Variants in BCAS3 observed in about 807,000 individuals in gnomAD.
The protein encoded by BCAS3 is BCAS3 microtubule associated cell migration factor.
In BCAS3, 53 loss-of-function variants were observed where a neutral mutation model predicts 116.1. The observed-to-expected ratio is 0.46, with a 90% CI of 0.37 to 0.57. The LOEUF is 0.57. Ranked by LOEUF, BCAS3 falls within the 20% of genes least tolerant of loss-of-function variation. BCAS3 has a pLI of 0.00. For missense variants in BCAS3, 917 were observed against 1,165.4 expected (o/e 0.79, Z 3.10); for synonymous variants, 391 against 408.2 (o/e 0.96, Z 0.51).
chr17:60,912,810 T>A (rs1348756326), intron 12 of BCAS3, among the ~76,000 whole-genome samples: 1 of 152,100 alleles, frequency 6.6e-6, no homozygotes, highest in African/African-American at 2.4e-5. Context: ...CCACCCACAT[T>A]TATTGGGTAG....
rs1266151389 is a variant in BCAS3, at chr17:61,095,189, C to A, written c.2425+10625C>A. 6.6e-6 allele frequency among the ~76,000 whole-genome samples: 1 copy of A among 152,156 alleles called. No homozygotes were observed. Among genetic ancestry groups the A allele is most frequent in the Admixed American group, 6.5e-5 (1 of 15,272 alleles). On this transcript the variant is annotated intron_variant, in intron 22 of 23. Transcript: ENST00000407086. This position sits in a 1 kb window ranked among gnomAD's most constrained non-coding sequence, Gnocchi z 4.7. ...ACGTATTTGAGTTAGACCAACTTTT[C>A]TTCGTGTACGTCAACCAAAACAGCA...
chr17:61,076,267 G>T (rs111860548), intron 20 of BCAS3, among the ~76,000 whole-genome samples: 2 of 152,140 alleles, frequency 1.3e-5, no homozygotes, highest in South Asian at 2.1e-4. Context: ...GCTTTTCATC[G>T]GACAGGTGCC....
intron 19 of BCAS3, among the ~76,000 whole-genome samples, chr17:61,070,892 A>AC (rs1203173894): frequency 4.6e-5 from 7 of 152,246 alleles, no homozygotes; most frequent in Non-Finnish European, 7.3e-5. Flanking sequence ...TCTGTAAAAC[A>AC]GAAGCCACCT....
intron 13 of BCAS3, among the ~76,000 whole-genome samples, chr17:60,945,917 G>A (rs970338793): frequency 5.3e-5 from 8 of 151,692 alleles, no homozygotes; most frequent in Non-Finnish European, 8.8e-5. Context: ...TCAGGAGATC[G>A]AGACCATCCT....
At chr17:60,873,214 C>T (rs1012696445) in intron 8 of BCAS3, among the ~76,000 whole-genome samples, 3 of 151,854 alleles carry the variant, frequency 2.0e-5, no homozygotes, top group Admixed American at 2.0e-4. Flanking sequence ...TAGTAAGAAG[C>T]AACCCAGTAA....
At chr17:60,726,923 A>G (rs1326763727) in intron 5 of BCAS3, among the ~76,000 whole-genome samples, 1 of 152,136 alleles carries the variant, frequency 6.6e-6, no homozygotes, top group Non-Finnish European at 1.5e-5. Flanking sequence ...GGCATATTGC[A>G]TATATTATTT....
rs575974657 is a variant in BCAS3 at position 61,167,046 on chromosome 17, C to T, written c.2425+82482C>T. On this transcript the variant is annotated intron_variant, in intron 22 of 23. Coordinates refer to ENST00000407086, the MANE Select transcript of BCAS3 (RefSeq NM_017679.5). The stretch of plus-strand genomic sequence containing the variant: ...ACAGGCAGGAGCTACCACGCCCAGC[C>T]GAGCACTTCCTTAAAGAATCTATTT... 7.9e-4 allele frequency among the ~76,000 whole-genome samples: 120 copies of T among 152,248 alleles called. 1 individual carries two copies. The South Asian group carries it at 0.022, about 28-fold the overall frequency.
chr17:61,305,055 C>T (rs1211295643), intron 22 of BCAS3, among the ~76,000 whole-genome samples: 1 of 152,188 alleles, frequency 6.6e-6, no homozygotes, highest in African/African-American at 2.4e-5. Flanking sequence ...CCATGCCTGG[C>T]CCCCAGTCCT....
intron 14 of BCAS3, among the ~76,000 whole-genome samples, chr17:60,979,955 C>A (rs909000695): frequency 2.0e-5 from 3 of 151,846 alleles, no homozygotes; most frequent in Non-Finnish European, 4.4e-5. Flanking sequence ...GTCTAAAATT[C>A]TCTTTTTTGG....
At chr17:61,110,583 G>A (rs1386532503) in intron 22 of BCAS3, among the ~76,000 whole-genome samples, 2 of 152,250 alleles carry the variant, frequency 1.3e-5, no homozygotes, top group African/African-American at 4.8e-5. Flanking sequence ...ACCTGGCTGG[G>A]AGGGTCCTAC....
At chr17:60,916,877 A>G (rs1000967112) in intron 12 of BCAS3, among the ~76,000 whole-genome samples, 2 of 152,230 alleles carry the variant, frequency 1.3e-5, no homozygotes, top group Admixed American at 6.5e-5. Flanking sequence ...CTAATTTTCA[A>G]TGAGCAATGG....
At chr17:60,733,883 A>T (rs1385243765) in intron 5 of BCAS3, among the ~76,000 whole-genome samples, 1 of 151,548 alleles carries the variant, frequency 6.6e-6, no homozygotes, top group Admixed American at 6.6e-5. Context: ...GTTGAGTTTT[A>T]AAAGTTCTTT....
At chr17:60,828,525 G>A (rs1254919643) in intron 7 of BCAS3, among the ~76,000 whole-genome samples, 2 of 152,078 alleles carry the variant, frequency 1.3e-5, no homozygotes, top group South Asian at 2.1e-4. Context: ...GTAATTTGCT[G>A]TAACTAAGGA....
intron 6 of BCAS3, among the ~76,000 whole-genome samples, chr17:60,786,197 T>C (rs1767455882): frequency 6.6e-6 from 1 of 152,132 alleles, no homozygotes. Context: ...CTTGGACATA[T>C]TGGTAGAATG....
chr17:61,002,992 G>A (rs940260798), intron 15 of BCAS3, among the ~76,000 whole-genome samples: 5 of 151,700 alleles, frequency 3.3e-5, no homozygotes, highest in African/African-American at 1.2e-4. Flanking sequence ...TAATTTTATA[G>A]TGAAAGGAGG....
chr17:60,830,530 AC>A (rs1373106171), intron 7 of BCAS3, among the ~76,000 whole-genome samples: 1 of 152,034 alleles, frequency 6.6e-6, no homozygotes, highest in Admixed American at 6.6e-5. Flanking sequence ...ATGCTGTATG[AC>A]CCTCAGGTGT....
rs73326856 is a variant in BCAS3, at chr17:61,214,990, C to T, written c.2425+130426C>T. ...AAATACAGCCTCTATATACCTCTTA[C>T]ACCCACTAGATAGAACTAATCAGGA... On this transcript the variant is annotated intron_variant, in intron 22 of 23. Transcript: ENST00000407086. This position sits in a 1 kb window ranked among gnomAD's most constrained non-coding sequence, Gnocchi z 4.4. Among the ~76,000 whole-genome samples the T allele has an allele frequency of 0.01, 1,548 of 152,298 alleles. 30 individuals carry two copies. Among genetic ancestry groups the T allele is most frequent in the African/African-American group, 0.035 (1,469 of 41,554 alleles).
At chr17:60,989,021 A>G (rs1243992612) in intron 14 of BCAS3, among the ~76,000 whole-genome samples, 7 of 151,924 alleles carry the variant, frequency 4.6e-5, no homozygotes, top group Non-Finnish European at 1.0e-4. Context: ...GCTTATAACT[A>G]TAAACTTCCC....
At chr17:60,681,714 G>C (rs890641280) in intron 2 of BCAS3, among the ~76,000 whole-genome samples, 2 of 147,832 alleles carry the variant, frequency 1.4e-5, no homozygotes, top group African/African-American at 2.5e-5. Flanking sequence ...ACCACGCCTG[G>C]CTAATTTTTG....
Sources: allele counts gnomAD v4.1 joint callset (sites outside exome capture counted in the v4.1 genomes callset), GRCh38; gene constraint gnomAD v4.1.1; non-coding constraint Gnocchi (gnomAD v3.1); transcripts MANE v1.5; gene names NCBI Gene and HGNC (gene_info 2026-07-23, HGNC 2026-07-21).